Variants in ZNF638 observed in about 807,000 individuals in gnomAD.
The protein encoded by ZNF638 is zinc finger protein 638.
A neutral mutation model predicts 195.6 loss-of-function variants in ZNF638; 46 were observed. The ratio of observed to expected loss-of-function variants is 0.24; its 90% confidence interval spans 0.19 to 0.30. ZNF638 has a LOEUF of 0.30. Ranked by LOEUF, ZNF638 falls within the 10% of genes least tolerant of loss-of-function variation. The pLI is 1.00. For synonymous variants in ZNF638, 845 were observed against 772.0 expected (o/e 1.09, Z -1.57); for missense variants, 2,440 against 2,325.3 (o/e 1.05, Z -1.01).
Position 71,426,481 on chromosome 2 carries a change from T to G in ZNF638, c.4612T>G (p.Leu1538Val). 1 of 1,572,836 alleles carries G rather than the reference T, an allele frequency of 6.4e-7. No individual in the cohort carries two copies. The highest frequency in any genetic ancestry group is 8.6e-7 in the Non-Finnish European group (1 of 1,165,132). ...SKEEPLFPFN[L>V]DEFVTVDEVI... ...ACAGGAGCCATTATTTCCATTTAAT[T>G]TGGATGAATTTGTTACTGTGGATGA... The change falls in exon 24 of 28, where the codon TTG (leucine) becomes GTG (valine). Residue 1538 changes from leucine (L) to valine (V), a missense_variant. Leu to Val is a conservative substitution (Grantham distance 32). Coordinates refer to ENST00000264447, the MANE Select transcript of ZNF638 (RefSeq NM_014497.5).
Position 71,349,147 on chromosome 2 carries a change from G to A in ZNF638, c.193G>A (p.Gly65Arg), listed in dbSNP as rs756584071. 6.2e-7 allele frequency: 1 copy of A among 1,614,004 alleles called. No homozygotes were observed. Among genetic ancestry groups the A allele is most frequent in the African/African-American group, 1.3e-5 (1 of 74,890 alleles). Residue 65 changes from glycine to arginine, a missense_variant, in exon 2 of 28, where the codon GGG becomes AGG. By Grantham distance (125) the Gly-to-Arg change is moderately radical. Coordinates refer to ENST00000264447, the MANE Select transcript of ZNF638 (RefSeq NM_014497.5). ...FAGHESYQNMGPQRMNVQVTQ... is the reference protein window; with the variant it reads ...FAGHESYQNMRPQRMNVQVTQ... ...TGGCCATGAATCTTATCAGAACATG[G>A]GGCCACAGAGAATGAATGTTCAGGT...
In ZNF638 at chr2:71,432,239, C is replaced by T. The variant is rs541911336; in HGVS notation, c.5752+811C>T. 6.6e-5 allele frequency among the ~76,000 whole-genome samples: 10 copies of T among 152,270 alleles called. 1 individual carries two copies. The South Asian group carries it at 2.1e-3, about 32-fold the overall frequency. ...ATTTTGAGACAGGGTCTCATTCTGT[C>T]AGCCAGGCTGGAGTGCAGTGATGTG... On this transcript the variant is annotated intron_variant, in intron 26 of 27. Coordinates refer to ENST00000264447, the MANE Select transcript of ZNF638 (RefSeq NM_014497.5).
chr2:71,422,604 A>C (rs2080454916), intron 21 of ZNF638, among the ~76,000 whole-genome samples: 1 of 152,208 alleles, frequency 6.6e-6, no homozygotes, highest in South Asian at 2.1e-4. Context: ...ATCAACAGTC[A>C]TAATTTATAT....
intron 22 of ZNF638, 48 bp downstream of exon 22, chr2:71,424,086 C>T: frequency 3.2e-6 from 5 of 1,573,298 alleles, no homozygotes; most frequent in Non-Finnish European, 2.6e-6. Context: ...AAGTGATTAG[C>T]TCCGCTGCTG....
Position 71,400,096 on chromosome 2 carries a change from A to G in ZNF638, c.2588-16A>G, listed in dbSNP as rs745333493. On this transcript the variant is annotated splice_polypyrimidine_tract_variant and intron_variant, in intron 13 of 27. Coordinates refer to ENST00000264447, the MANE Select transcript of ZNF638 (RefSeq NM_014497.5). ...TAGTGTTTTACTAGACTATTAAAGCAGACTATTTCATGCAGAAAACTCTGA... is the reference window on the plus strand; with the variant it reads ...TAGTGTTTTACTAGACTATTAAAGCGGACTATTTCATGCAGAAAACTCTGA... The G allele has an allele frequency of 6.3e-7, 1 of 1,591,514 alleles. No individual in the cohort carries two copies. The highest frequency in any genetic ancestry group is 1.2e-5 in the South Asian group (1 of 86,788).
intron 27 of ZNF638, among the ~76,000 whole-genome samples, chr2:71,433,962 G>A (rs953077433): frequency 3.3e-5 from 5 of 152,174 alleles, no homozygotes; most frequent in Admixed American, 3.3e-4. Context: ...CTAGTTAGTA[G>A]CAGACCTAGG....
At position 71,435,050 on chromosome 2, in the gene ZNF638, T is replaced by C. The variant is rs2080737397; in HGVS notation, c.*243T>C. On this transcript the variant is annotated 3_prime_UTR_variant, in exon 28 of 28. Coordinates refer to ENST00000264447, the MANE Select transcript of ZNF638 (RefSeq NM_014497.5). Reference sequence around the variant, plus strand: ...TTAAAATAAATGTTCCTACTGTATATTTAAAATACCATCTGTGTTTGTGGC... The same window carrying C: ...TTAAAATAAATGTTCCTACTGTATACTTAAAATACCATCTGTGTTTGTGGC... 3 of 342,326 alleles carry C rather than the reference T, an allele frequency of 8.8e-6. No homozygotes were observed. The highest frequency in any genetic ancestry group is 1.6e-5 in the Non-Finnish European group (3 of 186,750). The allele number at this position is 342,326 out of a possible 1,614,324, so 21.2% of individuals were successfully genotyped here. A position where few individuals can be genotyped will look rare whatever the true frequency, so the allele number is the denominator to read the frequency against.
intron 17 of ZNF638, 81 bp downstream of exon 17, chr2:71,404,079 T>C: frequency 7.1e-7 from 1 of 1,413,934 alleles, no homozygotes; most frequent in Non-Finnish European, 9.5e-7. Context: ...TTTCTAGTTT[T>C]CCACTTTGGT....
chr2:71,395,586 A>C, intron 10 of ZNF638: 1 of 596,086 alleles, frequency 1.7e-6, no homozygotes, highest in Non-Finnish European at 3.1e-6. Context: ...TGCGCGCAGG[A>C]CTGCTCCCAA....
intron 18 of ZNF638, 50 bp from the exon 19 acceptor site, chr2:71,406,078 T>G (rs1031601587): frequency 1.2e-6 from 2 of 1,604,656 alleles, no homozygotes; most frequent in Non-Finnish European, 1.7e-6. Flanking sequence ...GTTTTACCGT[T>G]TGTTGCTTCA....
At chr2:71,377,474 A>G (rs74670753) in intron 8 of ZNF638, among the ~76,000 whole-genome samples, 8,855 of 152,306 alleles carry the variant, frequency 0.058, 986 homozygotes, top group East Asian at 0.56. Context: ...GGCGTTAGTG[A>G]ATATTTGAGC....
intron 3 of ZNF638, among the ~76,000 whole-genome samples, chr2:71,359,118 G>GTAT (rs1477222941): frequency 6.6e-6 from 1 of 152,094 alleles, no homozygotes; most frequent in East Asian, 1.9e-4. Flanking sequence ...TATCTCTGAG[G>GTAT]TATGCCTATG....
chr2:71,371,637 A>G (rs943741402), intron 8 of ZNF638, among the ~76,000 whole-genome samples: 3 of 149,514 alleles, frequency 2.0e-5, no homozygotes, highest in Non-Finnish European at 4.4e-5. Context: ...TTTGCCATTT[A>G]TGTGTTGTCT....
Position 71,423,334 on chromosome 2 carries a change from A to G in ZNF638, c.3820A>G (p.Ile1274Val). Residue 1274 changes from isoleucine (I) to valine (V), a missense_variant, in exon 22 of 28, where the codon ATA (isoleucine) becomes GTA (valine). Physicochemically the swap from Ile to Val is conservative, Grantham distance 29. Coordinates refer to ENST00000264447, the MANE Select transcript of ZNF638 (RefSeq NM_014497.5). ...EVEKNETVSEILPSTCIVTLV... is the reference protein window; with the variant it reads ...EVEKNETVSEVLPSTCIVTLV... ...AGAAAAAAATGAAACTGTTTCGGAA[A>G]TATTGCCATCAACTTGTATTGTGAC... 6.2e-7 allele frequency: 1 copy of G among 1,613,980 alleles called. No individual in the cohort carries two copies. The highest frequency in any genetic ancestry group is 1.1e-5 in the South Asian group (1 of 91,080).
intron 8 of ZNF638, chr2:71,379,564 A>C (rs902557236): frequency 2.6e-5 from 4 of 152,204 alleles, no homozygotes; most frequent in Non-Finnish European, 5.9e-5. Context: ...TGATGCTGGC[A>C]ATTTGGATAT....
At chr2:71,433,438 C>A in intron 27 of ZNF638, 155 bp downstream of exon 27, 1 of 591,312 alleles carries the variant, frequency 1.7e-6, no homozygotes, top group Non-Finnish European at 3.0e-6. Flanking sequence ...GTGTACCTTG[C>A]CTGTAATTTC....
At chr2:71,405,489 A>G in intron 17 of ZNF638, 112 bp from the exon 18 acceptor site, 1 of 650,516 alleles carries the variant, frequency 1.5e-6, no homozygotes, top group South Asian at 2.0e-5. Context: ...ATTTTATAAA[A>G]TACTTTGTAA....
rs1288734525 is a variant in ZNF638 at position 71,434,962 on chromosome 2, A to T, written c.*155A>T. On this transcript the variant is annotated 3_prime_UTR_variant, in exon 28 of 28. Transcript: ENST00000264447. The stretch of plus-strand genomic sequence containing the variant: ...CTAAATGTAGAGAGACTGATGGGGA[A>T]AGTATGATGGGTTTGATTTTTATAT... The T allele has an allele frequency of 1.7e-6, 1 of 577,448 alleles. No homozygotes were observed. Among genetic ancestry groups the T allele is most frequent in the East Asian group, 3.0e-5 (1 of 33,080 alleles). The allele number at this position is 577,448 out of a possible 1,614,324, so 35.8% of individuals were successfully genotyped here.
rs969390854 is a variant in ZNF638, at chr2:71,403,981, A to G, written c.2941A>G (p.Met981Val). ...QLSISMAPEN[M>V]NIKDEEAIFI... is the part of the protein sequence containing the mutation. ...CTCAATAAGTATGGCTCCTGAAAAC[A>G]TGAATATAAAAGATGAGGTAAATCA... The change falls in exon 17 of 28, where the codon ATG (methionine) becomes GTG (valine). Residue 981 changes from methionine (M) to valine (V), a missense_variant. Transcript: ENST00000264447. 5 of 1,610,362 alleles carry G rather than the reference A, an allele frequency of 3.1e-6. No homozygotes were observed. The highest frequency in any genetic ancestry group is 1.3e-5 in the African/African-American group (1 of 74,762).
Sources: allele counts gnomAD v4.1 joint callset (sites outside exome capture counted in the v4.1 genomes callset), GRCh38; gene constraint gnomAD v4.1.1; transcripts MANE v1.5; gene names NCBI Gene and HGNC (gene_info 2026-07-23, HGNC 2026-07-21).